Variants in IPO13 observed in about 807,000 individuals in gnomAD.
The protein encoded by IPO13 is importin-13.
In IPO13, 28 loss-of-function variants were observed where a neutral mutation model predicts 115.5. The observed-to-expected ratio is 0.24, with a 90% CI of 0.18 to 0.33. The LOEUF is 0.33. Ranked by LOEUF, IPO13 falls within the 10% of genes least tolerant of loss-of-function variation. IPO13 has a pLI of 1.00. For synonymous variants in IPO13, 414 were observed against 478.9 expected (o/e 0.86, Z 1.77); for missense variants, 785 against 1,204.6 (o/e 0.65, Z 5.16).
chr1:43,960,854 G>A, intron 12 of IPO13, 22 bp from the exon 13 acceptor site: 1 of 1,613,472 alleles, frequency 6.2e-7, no homozygotes, highest in South Asian at 1.1e-5. Context: ...GCTGACCAGG[G>A]CCCCTTTGCT....
At chr1:43,957,901 C>CT in intron 7 of IPO13, 76 bp from the exon 8 acceptor site, 1 of 1,431,850 alleles carries the variant, frequency 7.0e-7, no homozygotes, top group Non-Finnish European at 9.7e-7. Flanking sequence ...GCCAGGAACT[C>CT]TGCTTGCCTC....
chr1:43,962,079 G>A (rs1462162906), intron 14 of IPO13, among the ~76,000 whole-genome samples: 1 of 152,292 alleles, frequency 6.6e-6, no homozygotes, highest in Middle Eastern at 3.4e-3. Flanking sequence ...CAGGGGTCTC[G>A]GTTGGTGCCC....
intron 7 of IPO13, 145 bp from the exon 8 acceptor site, chr1:43,957,832 C>T: frequency 1.3e-6 from 1 of 797,644 alleles, no homozygotes; most frequent in Admixed American, 2.2e-5. Flanking sequence ...TTTGAGCATG[C>T]ACATGCATAT....
chr1:43,953,133 AC>A (rs2085220716), intron 2 of IPO13: 2 of 152,096 alleles, frequency 1.3e-5, no homozygotes, highest in African/African-American at 4.8e-5. Flanking sequence ...CAGTGAGGTA[AC>A]CCACAGCCTC....
chr1:43,963,838 C>G (rs1384693590), intron 14 of IPO13, among the ~76,000 whole-genome samples: 1 of 152,192 alleles, frequency 6.6e-6, no homozygotes. Flanking sequence ...CTGACTCCCC[C>G]ACCCCCCCAC....
Position 43,966,606 on chromosome 1 carries a change from G to T in IPO13, c.2429G>T (p.Cys810Phe). ...AAGCGGAAGCCAGATTTGTTCCTGT[G>T]TGAACGATTGGATGTCAAAGCTGTG... ...ALKRKPDLFLCERLDVKAVFQ... is the reference protein window; with the variant it reads ...ALKRKPDLFLFERLDVKAVFQ... Residue 810 changes from cysteine to phenylalanine, a missense_variant, in exon 16 of 20, where the codon TGT becomes TTT. Physicochemically the swap from Cys to Phe is radical, Grantham distance 205. This residue lies in a region of IPO13 where 285 missense variants were observed against 394.8 expected (regional missense o/e 0.72). Coordinates refer to ENST00000372343, the MANE Select transcript of IPO13 (RefSeq NM_014652.4). This position sits in a 1 kb window ranked among gnomAD's most constrained non-coding sequence, Gnocchi z 4.1. 2 of 1,614,160 alleles carry T rather than the reference G, an allele frequency of 1.2e-6. No individual in the cohort carries two copies. Among genetic ancestry groups the T allele is most frequent in the Non-Finnish European group, 8.5e-7 (1 of 1,180,020 alleles).
intron 11 of IPO13, among the ~76,000 whole-genome samples, chr1:43,959,340 A>G (rs1036143934): frequency 2.0e-5 from 3 of 152,218 alleles, no homozygotes; most frequent in African/African-American, 7.2e-5. Context: ...CTCCCAGTGT[A>G]GAGGAAATTC....
In IPO13 at chr1:43,952,263, G is replaced by A. The variant is rs147971948; in HGVS notation, c.821+2110G>A. Among the ~76,000 whole-genome samples the A allele has an allele frequency of 6.6e-6, 1 of 152,190 alleles. No individual in the cohort carries two copies. The highest frequency in any genetic ancestry group is 2.4e-5 in the African/African-American group (1 of 41,520). On this transcript the variant is annotated intron_variant, in intron 2 of 19. Transcript: ENST00000372343. The surrounding 1 kb of genome is among the most constrained non-coding windows in gnomAD (Gnocchi z 4.7). ...CGGCTCACTGCAACCTCCGCCTCCC[G>A]GGTTCAAGCGATTCTCTTGCCTCAG...
At chr1:43,961,958 G>C (rs564004770) in intron 14 of IPO13, among the ~76,000 whole-genome samples, 1 of 152,122 alleles carries the variant, frequency 6.6e-6, no homozygotes, top group Non-Finnish European at 1.5e-5. Flanking sequence ...CAGGCTTCTC[G>C]TGTTGTCTAA....
At chr1:43,961,873 T>A (rs1043341528) in intron 14 of IPO13, among the ~76,000 whole-genome samples, 1 of 152,242 alleles carries the variant, frequency 6.6e-6, no homozygotes, top group Non-Finnish European at 1.5e-5. Flanking sequence ...AGAAGTCAAG[T>A]ACCTTTGGCT....
chr1:43,949,037 C>T (rs555729458), intron 1 of IPO13, among the ~76,000 whole-genome samples: 1 of 152,304 alleles, frequency 6.6e-6, no homozygotes, highest in Non-Finnish European at 1.5e-5. Context: ...GTCAAGTCCC[C>T]TCAAGCTGTT....
Position 43,958,193 on chromosome 1 carries a change from A to T in IPO13, c.1722+35A>T. 8 of 1,614,096 alleles carry T rather than the reference A, an allele frequency of 5.0e-6. No individual in the cohort carries two copies. The highest frequency in any genetic ancestry group is 6.8e-6 in the Non-Finnish European group (8 of 1,179,950). On this transcript the variant is annotated intron_variant, in intron 8 of 19. Transcript: ENST00000372343. The surrounding 1 kb of genome is among the most constrained non-coding windows in gnomAD (Gnocchi z 6.3). Reference sequence around the variant, plus strand: ...GGCCCTGGATGGTGCTGGGCCTCAGAGCACACTCTGCACTGTGCTGATACT... The same window carrying T: ...GGCCCTGGATGGTGCTGGGCCTCAGTGCACACTCTGCACTGTGCTGATACT...
chr1:43,949,109 C>T (rs1429384028), intron 1 of IPO13, among the ~76,000 whole-genome samples: 1 of 152,222 alleles, frequency 6.6e-6, no homozygotes, highest in East Asian at 1.9e-4. Context: ...TGGGCCTTGC[C>T]CTCAAGTGCC....
chr1:43,961,019 C>T lies in IPO13; in HGVS notation c.2247+6C>T, dbSNP rs1328801768. The T allele has an allele frequency of 3.7e-6, 6 of 1,613,988 alleles. No individual in the cohort carries two copies. In the African/African-American group the frequency reaches 6.7e-5, roughly 18 times the overall value. ...CTCTTGACCTCACTCGACAGGTGGGCCTTCTGGTTGGGGCAGAGATCCTGA... is the reference window on the plus strand; with the variant it reads ...CTCTTGACCTCACTCGACAGGTGGGTCTTCTGGTTGGGGCAGAGATCCTGA... On this transcript the variant is annotated splice_donor_region_variant and intron_variant, in intron 13 of 19. Transcript: ENST00000372343.
In IPO13 at chr1:43,948,543, A is replaced by G. The variant is rs1571760488; in HGVS notation, c.84+859A>G. 5.3e-5 allele frequency among the ~76,000 whole-genome samples: 8 copies of G among 152,348 alleles called. No homozygotes were observed. The South Asian group carries it at 1.7e-3, about 32-fold the overall frequency. On this transcript the variant is annotated intron_variant, in intron 1 of 19. Transcript: ENST00000372343. ...TTTGGCGTCCCTGAGGGGCCAAACAAGGGCCAATGGCCATAACTGGCTGTC... is the reference window on the plus strand; with the variant it reads ...TTTGGCGTCCCTGAGGGGCCAAACAGGGGCCAATGGCCATAACTGGCTGTC...
In IPO13 at chr1:43,958,440, C is replaced by G. The variant is rs1045404962; in HGVS notation, c.1750-21C>G. On this transcript the variant is annotated intron_variant, in intron 9 of 19. Transcript: ENST00000372343. This position sits in a 1 kb window ranked among gnomAD's most constrained non-coding sequence, Gnocchi z 6.3. The stretch of plus-strand genomic sequence containing the variant: ...ACAACTAGATGTGGCCAGGACTGAC[C>G]ATCCATGTTCTGCCCCACAGACAAG... 8 of 1,613,630 alleles carry G rather than the reference C, an allele frequency of 5.0e-6. No homozygotes were observed. The Admixed American group carries it at 8.3e-5, about 17-fold the overall frequency.
chr1:43,959,787 A>T (rs1211442046), intron 11 of IPO13, among the ~76,000 whole-genome samples: 1 of 152,076 alleles, frequency 6.6e-6, no homozygotes, highest in East Asian at 1.9e-4. Flanking sequence ...ACCTCCCAGG[A>T]CCTCAGTCTG....
chr1:43,959,677 A>G, intron 11 of IPO13, among the ~76,000 whole-genome samples: 1 of 151,972 alleles, frequency 6.6e-6, no homozygotes, highest in Non-Finnish European at 1.5e-5. Context: ...TAACTCCCCA[A>G]CCCAGTTTCA....
intron 2 of IPO13, among the ~76,000 whole-genome samples, chr1:43,950,711 C>T (rs2085203385): frequency 6.6e-6 from 1 of 152,020 alleles, no homozygotes; most frequent in Non-Finnish European, 1.5e-5. Context: ...TCTCCTTGCT[C>T]TCTACACGCT....
Sources: gnomAD v4.1 joint callset for allele counts (sites outside exome capture counted in the v4.1 genomes callset) on GRCh38, gnomAD v4.1.1 for gene constraint, gnomAD v4.1.1 regional missense constraint, Gnocchi (gnomAD v3.1) non-coding constraint, MANE v1.5 for transcripts, NCBI Gene and HGNC (gene_info 2026-07-23, HGNC 2026-07-21) for gene names.